The following SLC4A4 variants were observed in gnomAD, a reference collection of about 807,000 sequenced individuals.
SLC4A4 encodes the protein electrogenic sodium bicarbonate cotransporter 1.
Under a neutral mutation model 111.5 loss-of-function variants are expected in SLC4A4, and 27 were observed. The ratio of observed to expected loss-of-function variants is 0.24; its 90% CI spans 0.18 to 0.33. The LOEUF is 0.33. Ranked by LOEUF, SLC4A4 falls within the 10% of genes least tolerant of loss-of-function variation. SLC4A4 has a pLI of 1.00. For synonymous variants in SLC4A4, 443 were observed against 463.4 expected, an observed-to-expected ratio of 0.96 and a Z score of 0.57; for missense variants, 909 against 1,315.5, an observed-to-expected ratio of 0.69 and a Z score of 4.78.
At chr4:71,068,122 T>C (rs1273452917) in intron 1 of SLC4A4, among the ~76,000 whole-genome samples, 1 of 142,060 alleles carries the variant, frequency 7.0e-6, no homozygotes, top group Non-Finnish European at 1.5e-5. Context: ...TGGGGTGCAG[T>C]GGCATGATCT....
chr4:71,292,659 C>T (rs1724443067), intron 3 of SLC4A4, among the ~76,000 whole-genome samples: 1 of 151,918 alleles, frequency 6.6e-6, no homozygotes, highest in Non-Finnish European at 1.5e-5. Flanking sequence ...ATATTCACAA[C>T]ATTTCTTGAT....
intron 1 of SLC4A4, among the ~76,000 whole-genome samples, chr4:71,196,833 C>CAAAAAAAA (rs1293017045): frequency 1.1e-4 from 1 of 9,228 alleles, no homozygotes; most frequent in Non-Finnish European, 5.7e-4. Flanking sequence ...GACTCTGTCT[C>CAAAAAAAA]CAAAAAAAAA....
At position 71,236,236 on chromosome 4, in the gene SLC4A4, T is replaced by TTA; in HGVS notation, c.-1-339_-1-338insAT. 13 of 802,574 alleles carry TTA rather than the reference T, an allele frequency of 1.6e-5. No individual in the cohort carries two copies. In the South Asian group the frequency reaches 4.9e-4, roughly 30 times the overall value. The allele number at this position is 802,574 out of a possible 1,614,324, so 49.7% of individuals were successfully genotyped here. ...CACACCAAACTTCCTCTCTTGGTAT[T>TTA]TTTTTTTTTTTTTTGCTTTCATCCT... On this transcript the variant is annotated intron_variant, in intron 1 of 25. Coordinates refer to ENST00000264485, the MANE Select transcript of SLC4A4 (RefSeq NM_001098484.3).
At chr4:71,392,519 G>A (rs1366445423) in intron 6 of SLC4A4, among the ~76,000 whole-genome samples, 2 of 151,988 alleles carry the variant, frequency 1.3e-5, no homozygotes, top group Non-Finnish European at 1.5e-5. Flanking sequence ...TCCCCTGGAG[G>A]GCTTGTTAAA....
At chr4:71,113,152 C>T (rs10032391) in intron 2 of SLC4A4, among the ~76,000 whole-genome samples, 4,290 of 152,308 alleles carry the variant, frequency 0.028, 79 homozygotes, top group Middle Eastern at 0.058. Flanking sequence ...CTCCTGGAGA[C>T]TGCCCAGAGT....
chr4:71,098,689 G>A (rs1742628779), intron 2 of SLC4A4, among the ~76,000 whole-genome samples: 2 of 152,002 alleles, frequency 1.3e-5, no homozygotes, highest in African/African-American at 2.4e-5. Flanking sequence ...TAAAAAGCAA[G>A]ACCCAATGGT....
At chr4:71,311,418 C>G (rs1389254526) in intron 3 of SLC4A4, among the ~76,000 whole-genome samples, 2 of 152,134 alleles carry the variant, frequency 1.3e-5, no homozygotes, top group Non-Finnish European at 2.9e-5. Flanking sequence ...GTAGCACTTA[C>G]TCTAAAATCG....
At chr4:71,484,993 C>T (rs1729239980) in intron 14 of SLC4A4, among the ~76,000 whole-genome samples, 1 of 151,694 alleles carries the variant, frequency 6.6e-6, no homozygotes, top group Non-Finnish European at 1.5e-5. Context: ...GGTTTTGTAT[C>T]CTGGGACTTT....
intron 6 of SLC4A4, among the ~76,000 whole-genome samples, chr4:71,392,147 A>C (rs1173046998): frequency 6.6e-6 from 1 of 152,104 alleles, no homozygotes; most frequent in Non-Finnish European, 1.5e-5. Context: ...TCTGGTTGAT[A>C]ATCTCTTTTG....
intron 3 of SLC4A4, among the ~76,000 whole-genome samples, chr4:71,309,056 A>C (rs551050408): frequency 2.0e-4 from 30 of 152,240 alleles, no homozygotes; most frequent in African/African-American, 7.0e-4. Flanking sequence ...AGGGGCATCC[A>C]CCATTACTGA....
At chr4:71,107,569 C>G (rs1298234481) in intron 2 of SLC4A4, among the ~76,000 whole-genome samples, 1 of 152,098 alleles carries the variant, frequency 6.6e-6, no homozygotes. Context: ...AGGCTGGTCT[C>G]AAACTCCCGA....
chr4:71,074,143 C>T (rs941679393), intron 1 of SLC4A4, among the ~76,000 whole-genome samples: 4 of 152,136 alleles, frequency 2.6e-5, no homozygotes, highest in African/African-American at 9.7e-5. Context: ...CTTGATGGAA[C>T]TTTAAAAAGT....
intron 1 of SLC4A4, among the ~76,000 whole-genome samples, chr4:71,074,577 A>G (rs1390269090): frequency 6.6e-6 from 1 of 152,032 alleles, no homozygotes; most frequent in Non-Finnish European, 1.5e-5. Context: ...TTATTAAGAA[A>G]AAGAAAGGAA....
At chr4:71,417,677 C>T (rs921465585) in intron 7 of SLC4A4, among the ~76,000 whole-genome samples, 1 of 152,110 alleles carries the variant, frequency 6.6e-6, no homozygotes, top group African/African-American at 2.4e-5. Context: ...CAGTTAAATA[C>T]TATTAAATAC....
At chr4:71,164,206 C>A (rs1453198681) in intron 2 of SLC4A4, among the ~76,000 whole-genome samples, 7 of 152,172 alleles carry the variant, frequency 4.6e-5, no homozygotes, top group African/African-American at 9.6e-5. Context: ...CATGGTGAAA[C>A]CCTGTCTCTA....
intron 2 of SLC4A4, among the ~76,000 whole-genome samples, chr4:71,119,951 G>GTTGT (rs367726169): frequency 0.028 from 4,289 of 152,134 alleles, 76 homozygotes; most frequent in Middle Eastern, 0.058. Context: ...GTTTTTAGAA[G>GTTGT]TTGTTTCTTT....
chr4:71,361,949 T>C (rs1444834751), intron 6 of SLC4A4, among the ~76,000 whole-genome samples: 1 of 152,220 alleles, frequency 6.6e-6, no homozygotes, highest in African/African-American at 2.4e-5. Flanking sequence ...TATAAGATGA[T>C]CAGACTTTTT....
At chr4:71,419,742 A>G (rs1032356951) in intron 7 of SLC4A4, among the ~76,000 whole-genome samples, 1 of 152,120 alleles carries the variant, frequency 6.6e-6, no homozygotes, top group African/African-American at 2.4e-5. Flanking sequence ...AGTGAGATGA[A>G]CCCGGTACCT....
intron 2 of SLC4A4, among the ~76,000 whole-genome samples, chr4:71,248,390 T>G (rs553028770): frequency 1.2e-4 from 18 of 150,756 alleles, no homozygotes; most frequent in African/African-American, 3.6e-4. Flanking sequence ...TCTATAAAGA[T>G]TATATAGAGA....
Sources: allele counts gnomAD v4.1 joint callset (sites outside exome capture counted in the v4.1 genomes callset), GRCh38; gene constraint gnomAD v4.1.1; transcripts MANE v1.5; gene names NCBI Gene and HGNC (gene_info 2026-07-23, HGNC 2026-07-21).